Variants in C8orf34 observed in about 807,000 individuals in gnomAD.
C8orf34 encodes chromosome 8 open reading frame 34, also known as uncharacterized protein C8orf34.
C8orf34 carries 65 observed loss-of-function variants against 68.3 expected under a neutral mutation model. That is an observed-to-expected ratio of 0.95 (90% confidence interval 0.78 to 1.17). C8orf34 has a LOEUF of 1.17. C8orf34 is among the 50% of genes most tolerant of loss of function. The probability of loss-of-function intolerance (pLI) is 0.00; values close to 1 mark genes in which losing one functional copy is unlikely to be tolerated. For synonymous variants in C8orf34, 244 were observed against 241.2 expected, an observed-to-expected ratio of 1.01 and a Z score of -0.11; for missense variants, 664 against 655.4, an observed-to-expected ratio of 1.01 and a Z score of -0.14.
At chr8:68,401,204 C>A (rs898318512) in intron 1 of C8orf34, among the ~76,000 whole-genome samples, 3 of 151,122 alleles carry the variant, frequency 2.0e-5, no homozygotes, top group African/African-American at 7.3e-5. Context: ...AGGAACACCA[C>A]TAATTTGTGT....
At position 68,554,968 on chromosome 8, in the gene C8orf34, A is replaced by G. The variant is rs146632758; in HGVS notation, c.1105+21819A>G. 5.3e-5 allele frequency among the ~76,000 whole-genome samples: 8 copies of G among 152,062 alleles called. No individual in the cohort carries two copies. The East Asian group carries it at 1.2e-3, about 22-fold the overall frequency. ...GACATGCTCTCTATTTGGTAGCTTT[A>G]CTCTGTTTACATTTATTGTGGATCT... is the stretch of plus-strand genomic sequence containing the variant. On this transcript the variant is annotated intron_variant, in intron 7 of 13. Coordinates refer to ENST00000518698, the MANE Select transcript of C8orf34 (RefSeq NM_052958.4).
chr8:68,444,199 T>C (rs1302970046), intron 2 of C8orf34, among the ~76,000 whole-genome samples: 1 of 152,174 alleles, frequency 6.6e-6, no homozygotes, highest in Non-Finnish European at 1.5e-5. Context: ...ATTTAAATAT[T>C]GGTATTGCAT....
At chr8:68,619,482 GATA>G (rs111768707) in intron 7 of C8orf34, among the ~76,000 whole-genome samples, 44,651 of 151,840 alleles carry the variant, frequency 0.29, 8,331 homozygotes, top group African/African-American at 0.55. Flanking sequence ...GAACCATAGG[GATA>G]ATATTTTGCC....
At chr8:68,661,553 G>A (rs888369102) in intron 8 of C8orf34, among the ~76,000 whole-genome samples, 1 of 152,216 alleles carries the variant, frequency 6.6e-6, no homozygotes, top group African/African-American at 2.4e-5. Flanking sequence ...AAAGAGAGGA[G>A]TCCTAAAAGC....
At chr8:68,538,307 A>G (rs1438169623) in intron 7 of C8orf34, among the ~76,000 whole-genome samples, 4 of 152,180 alleles carry the variant, frequency 2.6e-5, no homozygotes, top group Admixed American at 2.6e-4. Flanking sequence ...GCACCAGCTT[A>G]TACTCTAATG....
chr8:68,739,292 C>T (rs1822213127), intron 10 of C8orf34, among the ~76,000 whole-genome samples: 1 of 152,048 alleles, frequency 6.6e-6, no homozygotes, highest in African/African-American at 2.4e-5. Flanking sequence ...TAACATACCT[C>T]AAAATAATAA....
intron 1 of C8orf34, among the ~76,000 whole-genome samples, chr8:68,340,712 T>C (rs1173437423): frequency 2.6e-5 from 4 of 152,176 alleles, no homozygotes; most frequent in African/African-American, 9.6e-5. Context: ...CAATGAAGAT[T>C]ATCATCAAAT....
intron 7 of C8orf34, among the ~76,000 whole-genome samples, chr8:68,611,548 AT>A (rs1310023114): frequency 1.3e-5 from 2 of 152,178 alleles, no homozygotes; most frequent in African/African-American, 4.8e-5. Context: ...ACACAGCATT[AT>A]TTAAGTCAGA....
intron 5 of C8orf34, among the ~76,000 whole-genome samples, chr8:68,508,642 A>G (rs6981661): frequency 0.23 from 34,545 of 152,050 alleles, 6,058 homozygotes; most frequent in African/African-American, 0.49. Flanking sequence ...GCTGGCTGTC[A>G]GTTGATATAA....
At chr8:68,563,705 T>G (rs1278597619) in intron 7 of C8orf34, among the ~76,000 whole-genome samples, 1 of 151,902 alleles carries the variant, frequency 6.6e-6, no homozygotes, top group African/African-American at 2.4e-5. Flanking sequence ...TTGTCCCTCA[T>G]GTTGTATTAT....
chr8:68,490,082 C>T (rs1243976721), intron 5 of C8orf34, among the ~76,000 whole-genome samples: 1 of 152,110 alleles, frequency 6.6e-6, no homozygotes, highest in African/African-American at 2.4e-5. Context: ...CCTCTGTGTG[C>T]CTGTCATTGT....
intron 12 of C8orf34, among the ~76,000 whole-genome samples, chr8:68,798,404 T>G (rs4518645): frequency 0.038 from 5,766 of 151,816 alleles, 302 homozygotes; most frequent in African/African-American, 0.11. Flanking sequence ...CTTGATAATT[T>G]TTTAATCCTA....
At chr8:68,535,013 A>T (rs1183979063) in intron 7 of C8orf34, 1 of 985,292 alleles carries the variant, frequency 1.0e-6, no homozygotes, top group Non-Finnish European at 1.2e-6. Context: ...CACATATCTC[A>T]GCACAGGTGG....
intron 7 of C8orf34, among the ~76,000 whole-genome samples, chr8:68,624,364 A>G (rs1256734666): frequency 6.6e-6 from 1 of 152,174 alleles, no homozygotes; most frequent in Non-Finnish European, 1.5e-5. Flanking sequence ...CACAGAAGAC[A>G]AATAATATTA....
intron 3 of C8orf34, among the ~76,000 whole-genome samples, chr8:68,462,663 A>C (rs1256828313): frequency 1.3e-5 from 2 of 152,106 alleles, no homozygotes; most frequent in Non-Finnish European, 2.9e-5. Context: ...AACTACATGG[A>C]AACTGAACAA....
intron 3 of C8orf34, among the ~76,000 whole-genome samples, chr8:68,466,246 A>G (rs1343730506): frequency 1.3e-5 from 2 of 151,874 alleles, no homozygotes; most frequent in Non-Finnish European, 2.9e-5. Flanking sequence ...CATGGGGGAA[A>G]ATGAGAGAAG....
intron 8 of C8orf34, among the ~76,000 whole-genome samples, chr8:68,671,491 G>T (rs756948223): frequency 6.6e-6 from 1 of 152,118 alleles, no homozygotes; most frequent in Non-Finnish European, 1.5e-5. Context: ...TTCACTCTGA[G>T]AACTAAGTTG....
intron 12 of C8orf34, among the ~76,000 whole-genome samples, chr8:68,798,327 T>C (rs1054914624): frequency 7.4e-5 from 11 of 149,310 alleles, no homozygotes; most frequent in African/African-American, 2.0e-4. Context: ...TCTCATTCTG[T>C]CACCCAGGCT....
chr8:68,356,896 T>A (rs1419069840), intron 1 of C8orf34, among the ~76,000 whole-genome samples: 2 of 152,154 alleles, frequency 1.3e-5, no homozygotes, highest in Non-Finnish European at 2.9e-5. Context: ...GTTCCTTCAC[T>A]GTTTGGAGAT....
Sources: gnomAD v4.1 joint callset for allele counts (sites outside exome capture counted in the v4.1 genomes callset) on GRCh38, gnomAD v4.1.1 for gene constraint, MANE v1.5 for transcripts, NCBI Gene and HGNC (gene_info 2026-07-23, HGNC 2026-07-21) for gene names.